The following DNAJC16 variants were observed in gnomAD, a reference collection of about 807,000 sequenced individuals.
The protein encoded by DNAJC16 is DnaJ heat shock protein family (Hsp40) member C16, also known as dnaJ homolog subfamily C member 16.
Under a neutral mutation model 92.7 loss-of-function variants are expected in DNAJC16, and 76 were observed. The ratio of observed to expected loss-of-function variants is 0.82; its 90% CI spans 0.68 to 0.99. DNAJC16 has a LOEUF of 0.99. DNAJC16 is among the 50% of genes least tolerant of loss of function. The probability of loss-of-function intolerance (pLI) is 0.00; values close to 1 mark genes in which losing one functional copy is unlikely to be tolerated. For synonymous variants in DNAJC16, 328 were observed against 358.7 expected, an observed-to-expected ratio of 0.91 and a Z score of 0.97; for missense variants, 869 against 942.4, an observed-to-expected ratio of 0.92 and a Z score of 1.02.
intron 13 of DNAJC16, chr1:15,566,465 GA>G: frequency 2.5e-6 from 1 of 400,836 alleles, no homozygotes; most frequent in Non-Finnish European, 4.6e-6. Flanking sequence ...AAATGTCAAT[GA>G]ACGTAACCAG....
chr1:15,542,013 C>T (rs1453611522), intron 4 of DNAJC16, among the ~76,000 whole-genome samples: 1 of 152,114 alleles, frequency 6.6e-6, no homozygotes, highest in Non-Finnish European at 1.5e-5. Flanking sequence ...TTAGTGGGCC[C>T]CTGTGTGGGA....
intron 2 of DNAJC16, among the ~76,000 whole-genome samples, chr1:15,531,684 T>C (rs1298402939): frequency 6.6e-6 from 1 of 152,242 alleles, no homozygotes; most frequent in African/African-American, 2.4e-5. Context: ...TTCTCTTTTT[T>C]AATTAGATTC....
At chr1:15,551,198 G>C (rs1376451623) in intron 7 of DNAJC16, among the ~76,000 whole-genome samples, 1 of 152,144 alleles carries the variant, frequency 6.6e-6, no homozygotes, top group Admixed American at 6.6e-5. Flanking sequence ...GAAGCAGTAA[G>C]AAGTGTTAAT....
At position 15,546,984 on chromosome 1, in the gene DNAJC16, G is replaced by A. The variant is rs1340283523; in HGVS notation, c.864+113G>A. 6 of 750,558 alleles carry A rather than the reference G, an allele frequency of 8.0e-6. 1 individual carries two copies. In the East Asian group the frequency reaches 1.1e-4, roughly 14 times the overall value. 46.5% of individuals were successfully genotyped at this position (750,558 alleles called of 1,614,324 possible). Reference sequence around the variant, plus strand: ...AACTTATAGCCTATTTGTCTTTTTTGTAAGAAACAGTTTCATCCATGAGAA... The same window carrying A: ...AACTTATAGCCTATTTGTCTTTTTTATAAGAAACAGTTTCATCCATGAGAA... On this transcript the variant is annotated intron_variant, in intron 6 of 14. Coordinates refer to ENST00000375847, the MANE Select transcript of DNAJC16 (RefSeq NM_015291.4).
chr1:15,535,248 G>C (rs1278485308), intron 3 of DNAJC16, among the ~76,000 whole-genome samples: 1 of 152,176 alleles, frequency 6.6e-6, no homozygotes, highest in Non-Finnish European at 1.5e-5. Context: ...GGTATGACCA[G>C]GTCAATTTTC....
rs1557592807 is a variant in DNAJC16, at chr1:15,570,484, T to C, written c.*2307T>C. On this transcript the variant is annotated 3_prime_UTR_variant, in exon 15 of 15. Transcript: ENST00000375847. ...CCTTGGCCTCCCAAAGTGCTGGGAT[T>C]ATCAATATGAGCCACCATGCCAGAT... 1 of 152,306 alleles carries C rather than the reference T, an allele frequency of 6.6e-6. No individual in the cohort carries two copies. Among genetic ancestry groups the C allele is most frequent in the Non-Finnish European group, 1.5e-5 (1 of 68,052 alleles). The allele number at this position is 152,306 out of a possible 1,614,324, so 9.4% of individuals were successfully genotyped here.
chr1:15,560,889 G>A (rs565982770), intron 8 of DNAJC16, among the ~76,000 whole-genome samples: 1 of 151,862 alleles, frequency 6.6e-6, no homozygotes, highest in Non-Finnish European at 1.5e-5. Flanking sequence ...TACCCTCCAG[G>A]CAGATGTCCA....
chr1:15,564,757 G>A (rs1638772316), intron 11 of DNAJC16, among the ~76,000 whole-genome samples: 1 of 151,724 alleles, frequency 6.6e-6, no homozygotes, highest in African/African-American at 2.4e-5. Context: ...TCAAACTCCT[G>A]ACCTCAGGTG....
At position 15,543,216 on chromosome 1, in the gene DNAJC16, G is replaced by A. The variant is rs74980145; in HGVS notation, c.575-1183G>A. ...GGTGGTACCTTAGAAGATGGTAAAC[G>A]CTGTGGAAAAAGTTAAAGTGAGCAG... is the stretch of plus-strand genomic sequence containing the variant. On this transcript the variant is annotated intron_variant, in intron 4 of 14. Transcript: ENST00000375847. Among the ~76,000 whole-genome samples, 1,452 of 152,300 alleles carry A rather than the reference G, an allele frequency of 9.5e-3. 23 individuals are homozygous for A. Among genetic ancestry groups the A allele is most frequent in the African/African-American group, 0.032 (1,333 of 41,552 alleles).
chr1:15,539,950 C>T (rs558755476), intron 4 of DNAJC16, among the ~76,000 whole-genome samples: 5 of 152,046 alleles, frequency 3.3e-5, no homozygotes, highest in African/African-American at 1.2e-4. Context: ...ATTGCTTGAA[C>T]CCAGGAGTGG....
chr1:15,533,335 G>A (rs1427579726), intron 2 of DNAJC16, among the ~76,000 whole-genome samples: 3 of 152,168 alleles, frequency 2.0e-5, no homozygotes, highest in African/African-American at 7.2e-5. Flanking sequence ...TGTTAAACAT[G>A]TGGCATTGAG....
chr1:15,553,117 T>C (rs1314211584), intron 7 of DNAJC16, among the ~76,000 whole-genome samples: 1 of 152,042 alleles, frequency 6.6e-6, no homozygotes, highest in African/African-American at 2.4e-5. Context: ...TCTGCCTTTC[T>C]GTAATTGATT....
chr1:15,564,139 A>G (rs1402714259), intron 10 of DNAJC16, 28 bp downstream of exon 10: 1 of 1,612,744 alleles, frequency 6.2e-7, no homozygotes, highest in Admixed American at 1.7e-5. Flanking sequence ...GAAGGGTGGG[A>G]CACCAGGAGG....
intron 4 of DNAJC16, among the ~76,000 whole-genome samples, chr1:15,541,057 C>G (rs1316766645): frequency 3.3e-5 from 5 of 152,162 alleles, no homozygotes; most frequent in Non-Finnish European, 7.4e-5. Context: ...CTTCAGTTTC[C>G]TTAGCCATAA....
chr1:15,531,660 A>G (rs1219473402), intron 2 of DNAJC16, among the ~76,000 whole-genome samples: 1 of 152,220 alleles, frequency 6.6e-6, no homozygotes, highest in African/African-American at 2.4e-5. Context: ...ATATTAATTA[A>G]ATGAGTCATA....
At position 15,544,151 on chromosome 1, in the gene DNAJC16, TACACACACACACACACACAC is replaced by T. The variant is rs148744006; in HGVS notation, c.575-232_575-213del. ...CCCCATTTTGTTTTATGTATATGCA[TACACACACACACACACACAC>T]ACACACACACACACATTTGTAACTC... On this transcript the variant is annotated intron_variant, in intron 4 of 14. Coordinates refer to ENST00000375847, the MANE Select transcript of DNAJC16 (RefSeq NM_015291.4). Among the ~76,000 whole-genome samples the T allele has an allele frequency of 1.5e-3, 204 of 137,288 alleles. 1 individual carries two copies. The highest frequency in any genetic ancestry group is 2.4e-3 in the Non-Finnish European group (151 of 63,452). 90.1% of individuals were successfully genotyped at this position (137,288 alleles called of 152,430 possible).
chr1:15,538,822 G>A (rs551707185), intron 4 of DNAJC16, among the ~76,000 whole-genome samples: 2 of 152,252 alleles, frequency 1.3e-5, no homozygotes, highest in African/African-American at 4.8e-5. Context: ...CAAAAATAAC[G>A]CATTTTTCTG....
Position 15,567,991 on chromosome 1 carries a change from A to G in DNAJC16, c.2163A>G (p.Glu721=). 1 of 1,614,220 alleles carries G rather than the reference A, an allele frequency of 6.2e-7. No individual in the cohort carries two copies. The highest frequency in any genetic ancestry group is 1.1e-5 in the South Asian group (1 of 91,084). The change falls in exon 15 of 15, where the codon GAA becomes GAG. Residue 721 remains glutamate (E), a synonymous_variant. Coordinates refer to ENST00000375847, the MANE Select transcript of DNAJC16 (RefSeq NM_015291.4). Reference sequence around the variant, plus strand: ...CCCAAAAGACAGTCGAAGAGGAGGAAGCCATAGGGTCGTGCAGTGATGTTG... The same window carrying G: ...CCCAAAAGACAGTCGAAGAGGAGGAGGCCATAGGGTCGTGCAGTGATGTTG... ...FKPQKTVEEE[E]AIGSCSDVDS...
At position 15,567,183 on chromosome 1, in the gene DNAJC16, C is replaced by A; in HGVS notation, c.1863C>A (p.Gly621=). The stretch of plus-strand genomic sequence containing the variant: ...GTAACTTGGTACGTCTGAGGCCAGG[C>A]CACATGAATGTGGTCCTCATCCTGT... The part of the protein sequence containing the change: ...YTSNLVRLRP[G]HMNVVLILSN... Residue 621 remains glycine, a synonymous_variant, in exon 14 of 15, where the codon GGC becomes GGA. Transcript: ENST00000375847. 1 of 1,614,136 alleles carries A rather than the reference C, an allele frequency of 6.2e-7. No individual in the cohort carries two copies. Among genetic ancestry groups the A allele is most frequent in the Non-Finnish European group, 8.5e-7 (1 of 1,179,978 alleles).
Sources: gnomAD v4.1 joint callset for allele counts (sites outside exome capture counted in the v4.1 genomes callset) on GRCh38, gnomAD v4.1.1 for gene constraint, MANE v1.5 for transcripts, NCBI Gene and HGNC (gene_info 2026-07-23, HGNC 2026-07-21) for gene names.